ABCB7: variants seen among roughly 807,000 people sequenced by gnomAD.
The protein encoded by ABCB7 is iron-sulfur clusters transporter ABCB7, mitochondrial.
A neutral mutation model predicts 54.4 loss-of-function variants in ABCB7; 7 were observed. That is an observed-to-expected ratio of 0.13 (90% CI 0.07 to 0.24). The LOEUF (loss-of-function observed/expected upper bound fraction) is 0.24. Among genes scored for constraint, ABCB7 ranks in the 10% least tolerant of loss-of-function variants. The probability of loss-of-function intolerance (pLI) is 1.00; values close to 1 mark genes in which losing one functional copy is unlikely to be tolerated. For synonymous variants in ABCB7, 218 were observed against 207.1 expected (o/e 1.05, Z -0.45); for missense variants, 356 against 570.4 (o/e 0.62, Z 3.83).
intron 1 of ABCB7, among the ~76,000 whole-genome samples, chrX:75,136,072 T>C (rs192304323): frequency 4.5e-5 from 5 of 110,433 alleles, no homozygotes; most frequent in Admixed American, 9.6e-5. Flanking sequence ...TACTATCATA[T>C]CATCTAGATA....
intron 4 of ABCB7, among the ~76,000 whole-genome samples, chrX:75,090,881 T>C (rs1421586758): frequency 1.8e-5 from 2 of 111,343 alleles, no homozygotes; most frequent in African/African-American, 3.2e-5. Flanking sequence ...TTAGATGAAA[T>C]GGACAAATTC....
intron 9 of ABCB7, among the ~76,000 whole-genome samples, chrX:75,070,988 T>G (rs1457065729): frequency 1.8e-5 from 2 of 110,240 alleles, no homozygotes; most frequent in Non-Finnish European, 3.8e-5. Flanking sequence ...GACCTAAATA[T>G]GTTTTCCACA....
chrX:75,085,356 T>C (rs929193619), intron 4 of ABCB7, among the ~76,000 whole-genome samples: 6 of 112,105 alleles, frequency 5.4e-5, no homozygotes, highest in African/African-American at 1.9e-4. Context: ...GGTTATATAC[T>C]ACATGATTCC....
chrX:75,105,178 C>T (rs1157560139), intron 3 of ABCB7, among the ~76,000 whole-genome samples: 1 of 110,846 alleles, frequency 9.0e-6, no homozygotes, highest in African/African-American at 3.3e-5. Context: ...GTCCTAGCTA[C>T]AGCAATCAGA....
chrX:75,108,717 G>A (rs1334039709), intron 3 of ABCB7, among the ~76,000 whole-genome samples: 12 of 109,801 alleles, frequency 1.1e-4, no homozygotes, highest in Non-Finnish European at 2.3e-4. Flanking sequence ...AATGACAGAG[G>A]GCTGAGAGAA....
intron 4 of ABCB7, among the ~76,000 whole-genome samples, chrX:75,092,872 A>G (rs902898320): frequency 1.8e-5 from 2 of 112,099 alleles, no homozygotes; most frequent in African/African-American, 6.5e-5. Context: ...ATGCTACCAC[A>G]CACCTATTAG....
chrX:75,146,087 A>G (rs1190166903), intron 1 of ABCB7, among the ~76,000 whole-genome samples: 1 of 112,124 alleles, frequency 8.9e-6, no homozygotes, highest in African/African-American at 3.2e-5. Flanking sequence ...TAAAATACCT[A>G]GGAATACAGC....
intron 4 of ABCB7, among the ~76,000 whole-genome samples, chrX:75,083,679 T>C (rs751101574): frequency 2.6e-4 from 28 of 108,582 alleles, no homozygotes; most frequent in Non-Finnish European, 4.8e-4. Flanking sequence ...AGAATCATCC[T>C]ACTTGGCTTT....
At chrX:75,153,758 G>GTATATA (rs1331840413) in intron 1 of ABCB7, among the ~76,000 whole-genome samples, 51 of 93,613 alleles carry the variant, frequency 5.4e-4, no homozygotes, top group African/African-American at 1.9e-3. Context: ...GTGTGTGTGT[G>GTATATA]TGTATATATA....
At chrX:75,059,026 T>C (rs1049789184) in intron 15 of ABCB7, among the ~76,000 whole-genome samples, 2 of 110,689 alleles carry the variant, frequency 1.8e-5, no homozygotes, top group Non-Finnish European at 3.8e-5. Flanking sequence ...AGGCCTAGGG[T>C]CACAAGTATG....
At chrX:75,071,429 T>C (rs1043803964) in intron 9 of ABCB7, 80 bp downstream of exon 9, 14 of 1,067,845 alleles carry the variant, frequency 1.3e-5, no homozygotes, top group Non-Finnish European at 1.8e-5. Flanking sequence ...ATAATTAAGA[T>C]AAGCATGCAC....
At chrX:75,093,912 G>A (rs2081564376) in intron 4 of ABCB7, among the ~76,000 whole-genome samples, 1 of 106,532 alleles carries the variant, frequency 9.4e-6, no homozygotes, top group Non-Finnish European at 1.9e-5. Flanking sequence ...TGTCAAAATA[G>A]TTATTCAAAA....
chrX:75,072,413 T>A (rs2081370060), intron 8 of ABCB7, among the ~76,000 whole-genome samples: 1 of 111,998 alleles, frequency 8.9e-6, no homozygotes, highest in Non-Finnish European at 1.9e-5. Flanking sequence ...CTAGATGGTA[T>A]AGTCTACCAC....
chrX:75,093,086 C>T (rs2081558045), intron 4 of ABCB7, among the ~76,000 whole-genome samples: 1 of 111,991 alleles, frequency 8.9e-6, no homozygotes. Context: ...GAGATGAAAA[C>T]TTATGGCCAC....
At chrX:75,126,993 G>A (rs2081936832) in intron 1 of ABCB7, among the ~76,000 whole-genome samples, 1 of 111,384 alleles carries the variant, frequency 9.0e-6, no homozygotes, top group Admixed American at 9.5e-5. Flanking sequence ...AGAGGAACTG[G>A]TACCACTGCT....
intron 2 of ABCB7, among the ~76,000 whole-genome samples, chrX:75,113,844 C>G (rs1347085458): frequency 8.9e-6 from 1 of 112,008 alleles, no homozygotes; most frequent in African/African-American, 3.2e-5. Flanking sequence ...TTGCCATAAA[C>G]AGGATATTGA....
In ABCB7 at chrX:75,054,648, C is replaced by T. The variant is rs149758532; in HGVS notation, c.2044-1063G>A. Among the ~76,000 whole-genome samples the T allele has an allele frequency of 8.6e-3, 947 of 109,690 alleles. 5 individuals carry two copies. The highest frequency in any genetic ancestry group is 0.014 in the Non-Finnish European group (717 of 52,617). ...CTCTCCAAAGTTTATTACACAATCACAAAACCCTTCTCAACAGTATTTTTC... is the reference window on the plus strand; with the variant it reads ...CTCTCCAAAGTTTATTACACAATCATAAAACCCTTCTCAACAGTATTTTTC... On this transcript the variant is annotated intron_variant, in intron 15 of 15. Coordinates refer to ENST00000373394, the MANE Select transcript of ABCB7 (RefSeq NM_001271696.3).
At chrX:75,079,005 T>C (rs2081433659) in intron 4 of ABCB7, among the ~76,000 whole-genome samples, 1 of 112,186 alleles carries the variant, frequency 8.9e-6, no homozygotes, top group South Asian at 3.7e-4. Flanking sequence ...GCAATTCTCA[T>C]AACTCACAGC....
intron 3 of ABCB7, among the ~76,000 whole-genome samples, chrX:75,110,642 G>C (rs1036261060): frequency 4.5e-5 from 5 of 111,689 alleles, no homozygotes; most frequent in Non-Finnish European, 7.5e-5. Context: ...TTTCATTAGG[G>C]TCTTCATTAT....
Sources: allele counts gnomAD v4.1 joint callset (sites outside exome capture counted in the v4.1 genomes callset), GRCh38; gene constraint gnomAD v4.1.1; transcripts MANE v1.5; gene names NCBI Gene and HGNC (gene_info 2026-07-23, HGNC 2026-07-21).